The following CACNA2D1 variants were observed in gnomAD, a reference collection of about 807,000 sequenced individuals.
The protein encoded by CACNA2D1 is calcium voltage-gated channel auxiliary subunit alpha2delta 1, also known as voltage-dependent calcium channel subunit alpha-2/delta-1.
CACNA2D1 carries 53 observed loss-of-function variants against 171.5 expected under a neutral mutation model. The observed-to-expected ratio is 0.31, with a 90% confidence interval of 0.25 to 0.39. The LOEUF is 0.39. CACNA2D1 is among the 10% of genes least tolerant of loss of function. The pLI is 1.00. For missense variants in CACNA2D1, 903 were observed against 1,299.8 expected (o/e 0.69, Z 4.69); for synonymous variants, 442 against 443.1 (o/e 1.00, Z 0.03).
intron 3 of CACNA2D1, among the ~76,000 whole-genome samples, chr7:82,182,174 C>T (rs573934330): frequency 2.4e-4 from 36 of 152,156 alleles, no homozygotes; most frequent in African/African-American, 7.9e-4. Flanking sequence ...TTTGTGTAGG[C>T]TTCAGGATTT....
At chr7:82,278,289 A>G (rs1015816283) in intron 3 of CACNA2D1, among the ~76,000 whole-genome samples, 3 of 152,062 alleles carry the variant, frequency 2.0e-5, no homozygotes, top group Non-Finnish European at 4.4e-5. Context: ...AAAATTACAC[A>G]TCTTCCTGGC....
At chr7:82,154,636 C>G (rs1794194299) in intron 4 of CACNA2D1, among the ~76,000 whole-genome samples, 1 of 152,056 alleles carries the variant, frequency 6.6e-6, no homozygotes, top group Non-Finnish European at 1.5e-5. Context: ...AATACATGCT[C>G]ACGTAAATAT....
chr7:81,985,465 C>T (rs747189181), intron 21 of CACNA2D1, among the ~76,000 whole-genome samples: 49 of 151,988 alleles, frequency 3.2e-4, no homozygotes, highest in Non-Finnish European at 5.0e-4. Context: ...GCATGAGCCT[C>T]CACGCCTGGC....
At chr7:82,361,390 C>A (rs539892280) in intron 1 of CACNA2D1, among the ~76,000 whole-genome samples, 121 of 152,232 alleles carry the variant, frequency 7.9e-4, no homozygotes, top group Non-Finnish European at 1.5e-3. Flanking sequence ...TATCCAATAA[C>A]CCCTTTCAGA....
intron 4 of CACNA2D1, among the ~76,000 whole-genome samples, chr7:82,167,767 A>G (rs1795606365): frequency 6.6e-6 from 1 of 152,064 alleles, no homozygotes; most frequent in African/African-American, 2.4e-5. Context: ...TTTCCCTTTA[A>G]CAGTCTCTTT....
chr7:82,314,407 A>T (rs1230587418), intron 3 of CACNA2D1, among the ~76,000 whole-genome samples: 1 of 152,178 alleles, frequency 6.6e-6, no homozygotes, highest in Non-Finnish European at 1.5e-5. Context: ...TTTTCATTCC[A>T]TTCTTCCAAA....
intron 1 of CACNA2D1, among the ~76,000 whole-genome samples, chr7:82,350,926 C>G (rs1369889176): frequency 6.6e-6 from 1 of 152,142 alleles, no homozygotes; most frequent in Non-Finnish European, 1.5e-5. Flanking sequence ...TTAGAAGACC[C>G]TAAATCCATG....
At position 82,368,485 on chromosome 7, in the gene CACNA2D1, T is replaced by C. The variant is rs1161781427; in HGVS notation, c.96-18836A>G. Among the ~76,000 whole-genome samples the C allele has an allele frequency of 2.0e-5, 3 of 152,310 alleles. No individual in the cohort carries two copies. In the East Asian group the frequency reaches 5.8e-4, roughly 29 times the overall value. Reference sequence around the variant, plus strand: ...CCTAAATGGAAAGGAAAATAGAGTATCTGCATTTTTAGACTTTAAACAAAT... The same window carrying C: ...CCTAAATGGAAAGGAAAATAGAGTACCTGCATTTTTAGACTTTAAACAAAT... On this transcript the variant is annotated intron_variant, in intron 1 of 38. Transcript: ENST00000356860.
chr7:82,443,410 A>C lies in CACNA2D1; in HGVS notation c.50T>G (p.Leu17Trp). The C allele has an allele frequency of 6.2e-7, 1 of 1,606,690 alleles. No homozygotes were observed. Among genetic ancestry groups the C allele is most frequent in the South Asian group, 1.1e-5 (1 of 90,422 alleles). The part of the protein sequence containing the change: ...LALTLTLFQS[L>W]LIGPSSEEPF... ...CTCCTCCGACGAGGGGCCGATGAGC[A>C]AAGATTGGAAAAGTGTCAGAGTCAA... The change falls in exon 1 of 39, where the codon TTG becomes TGG. Residue 17 changes from leucine (L) to tryptophan (W), a missense_variant. Physicochemically the swap from Leu to Trp is moderately conservative, Grantham distance 61 (BLOSUM62 -2). This residue lies in a region of CACNA2D1 where 41 missense variants were observed against 27.6 expected (regional missense o/e 1.49). Transcript: ENST00000356860.
At position 81,969,969 on chromosome 7, in the gene CACNA2D1, C is replaced by G; in HGVS notation, c.2220G>C (p.Trp740Cys). The change falls in exon 28 of 39, where the codon TGG becomes TGC. Residue 740 changes from tryptophan to cysteine, a missense_variant. Trp to Cys is a radical substitution (Grantham distance 215). Transcript: ENST00000356860. Reference sequence around the variant, plus strand: ...CCTCATATGTCTCTGGGTTTTCTTGCCAATTTTCTCCAGCCCTAAGGAGGA... The same window carrying G: ...CCTCATATGTCTCTGGGTTTTCTTGGCAATTTTCTCCAGCCCTAAGGAGGA... ...RVYPKEAGEN[W>C]QENPETYEDS... 6.2e-7 allele frequency: 1 copy of G among 1,600,812 alleles called. No individual in the cohort carries two copies. Among genetic ancestry groups the G allele is most frequent in the Non-Finnish European group, 8.6e-7 (1 of 1,168,966 alleles).
chr7:82,155,872 G>A (rs1029939462), intron 4 of CACNA2D1, among the ~76,000 whole-genome samples: 1 of 152,116 alleles, frequency 6.6e-6, no homozygotes, highest in Non-Finnish European at 1.5e-5. Context: ...ACAAGTTGAG[G>A]AAAAACACAG....
At chr7:82,126,862 C>T (rs1045107572) in intron 5 of CACNA2D1, among the ~76,000 whole-genome samples, 1 of 152,214 alleles carries the variant, frequency 6.6e-6, no homozygotes, top group Non-Finnish European at 1.5e-5. Context: ...TCAGCTGCAA[C>T]ACCCAAATAA....
At chr7:81,955,635 T>C (rs1793150269) in intron 38 of CACNA2D1, among the ~76,000 whole-genome samples, 2 of 151,932 alleles carry the variant, frequency 1.3e-5, no homozygotes, top group African/African-American at 4.8e-5. Flanking sequence ...AGGATATAGA[T>C]TATACTTCTA....
intron 12 of CACNA2D1, among the ~76,000 whole-genome samples, chr7:82,022,168 A>G (rs1801296783): frequency 6.6e-6 from 1 of 151,756 alleles, no homozygotes; most frequent in South Asian, 2.1e-4. Flanking sequence ...GGGACTGACA[A>G]CACTAATTTT....
At chr7:81,961,344 C>CTT (rs1794092573) in intron 36 of CACNA2D1, among the ~76,000 whole-genome samples, 1 of 151,696 alleles carries the variant, frequency 6.6e-6, no homozygotes, top group South Asian at 2.1e-4. Flanking sequence ...TTAACCATGA[C>CTT]CTAAAAAAAC....
intron 6 of CACNA2D1, among the ~76,000 whole-genome samples, chr7:82,107,876 G>A (rs1419380843): frequency 6.6e-6 from 1 of 152,030 alleles, no homozygotes; most frequent in African/African-American, 2.4e-5. Context: ...TAGCGTCCGC[G>A]CCCAGCCGGA....
intron 1 of CACNA2D1, among the ~76,000 whole-genome samples, chr7:82,389,385 T>C (rs966701379): frequency 4.7e-4 from 72 of 152,082 alleles, no homozygotes; most frequent in African/African-American, 1.4e-3. Flanking sequence ...TTCATGTTGA[T>C]AGTATTTAAC....
intron 5 of CACNA2D1, among the ~76,000 whole-genome samples, chr7:82,130,849 T>G (rs1170401522): frequency 6.9e-6 from 1 of 144,148 alleles, no homozygotes; most frequent in Non-Finnish European, 1.5e-5. Context: ...CAGGCTGGAG[T>G]GCAGTGGCAC....
chr7:82,269,764 G>A (rs781445515), intron 3 of CACNA2D1, among the ~76,000 whole-genome samples: 2 of 152,128 alleles, frequency 1.3e-5, no homozygotes, highest in Non-Finnish European at 2.9e-5. Flanking sequence ...GAAAGTGGCA[G>A]ACAAGAATTA....
Sources: gnomAD v4.1 joint callset for allele counts (sites outside exome capture counted in the v4.1 genomes callset) on GRCh38, gnomAD v4.1.1 for gene constraint, gnomAD v4.1.1 regional missense constraint, MANE v1.5 for transcripts, NCBI Gene and HGNC (gene_info 2026-07-23, HGNC 2026-07-21) for gene names.